The following FILIP1L variants were observed in gnomAD, a reference collection of about 807,000 sequenced individuals.
FILIP1L encodes filamin A-interacting protein 1-like.
FILIP1L carries 55 observed loss-of-function variants against 96.6 expected under a neutral mutation model. The observed-to-expected ratio is 0.57, with a 90% CI of 0.46 to 0.71. The LOEUF (loss-of-function observed/expected upper bound fraction) is 0.71. FILIP1L is among the 30% of genes least tolerant of loss of function. The probability of loss-of-function intolerance (pLI) is 0.00; values close to 1 mark genes in which losing one functional copy is unlikely to be tolerated. For synonymous variants in FILIP1L, 467 were observed against 473.9 expected (o/e 0.99, Z 0.19); for missense variants, 1,304 against 1,321.2 (o/e 0.99, Z 0.20).
chr3:100,067,458 C>T (rs1260670273), intron 1 of FILIP1L, among the ~76,000 whole-genome samples: 3 of 152,160 alleles, frequency 2.0e-5, no homozygotes, highest in African/African-American at 7.2e-5. Flanking sequence ...TATTCCCATT[C>T]CTCCATTAGT....
At chr3:99,844,567 C>T (rs1182888040) in intron 5 of FILIP1L, among the ~76,000 whole-genome samples, 4 of 152,264 alleles carry the variant, frequency 2.6e-5, no homozygotes, top group African/African-American at 7.2e-5. Context: ...GCTACTAAAA[C>T]GTTTTTATTG....
chr3:99,874,075 T>C (rs1705381337), intron 4 of FILIP1L, among the ~76,000 whole-genome samples: 1 of 152,342 alleles, frequency 6.6e-6, no homozygotes, highest in African/African-American at 2.4e-5. Context: ...AGAGGTCTTA[T>C]GTGATTGTTC....
chr3:100,083,938 T>C (rs2065968745), intron 1 of FILIP1L, among the ~76,000 whole-genome samples: 1 of 152,184 alleles, frequency 6.6e-6, no homozygotes, highest in South Asian at 2.1e-4. Flanking sequence ...GTGAGCATAA[T>C]TATCAAAATA....
intron 1 of FILIP1L, among the ~76,000 whole-genome samples, chr3:100,092,699 G>T (rs1313789240): frequency 6.8e-6 from 1 of 147,680 alleles, no homozygotes; most frequent in Non-Finnish European, 1.5e-5. Context: ...ATTATTTTAG[G>T]TTCTCCCTTT....
At chr3:99,948,543 G>T (rs1178309446) in intron 1 of FILIP1L, among the ~76,000 whole-genome samples, 1 of 147,972 alleles carries the variant, frequency 6.8e-6, no homozygotes, top group Admixed American at 6.8e-5. Context: ...GGGGAAGGGA[G>T]GGGGAGGGGG....
intron 1 of FILIP1L, among the ~76,000 whole-genome samples, chr3:99,976,419 A>G (rs1708973584): frequency 6.6e-6 from 1 of 152,228 alleles, no homozygotes; most frequent in Non-Finnish European, 1.5e-5. Context: ...AAATTCATAG[A>G]TATCATGAAC....
intron 1 of FILIP1L, among the ~76,000 whole-genome samples, chr3:100,015,962 T>C (rs1347243201): frequency 6.6e-6 from 1 of 152,198 alleles, no homozygotes; most frequent in East Asian, 1.9e-4. Context: ...AAAGACAGAT[T>C]GCCTTTTTAA....
intron 1 of FILIP1L, among the ~76,000 whole-genome samples, chr3:100,004,288 G>A (rs1355714574): frequency 6.6e-6 from 1 of 152,186 alleles, no homozygotes; most frequent in African/African-American, 2.4e-5. Flanking sequence ...AGAGTGAACT[G>A]AAACTGTCTT....
intron 1 of FILIP1L, among the ~76,000 whole-genome samples, chr3:99,961,417 A>G (rs1342507250): frequency 3.9e-5 from 6 of 152,134 alleles, no homozygotes; most frequent in Non-Finnish European, 8.8e-5. Flanking sequence ...AATGACTCTT[A>G]TGCTATATAT....
chr3:99,926,106 T>C (rs2107656481), intron 3 of FILIP1L, among the ~76,000 whole-genome samples: 1 of 152,358 alleles, frequency 6.6e-6, no homozygotes, highest in African/African-American at 2.4e-5. Context: ...TCATTGTGAA[T>C]TTAAAGCCAA....
At chr3:99,992,074 G>A (rs764098406) in intron 1 of FILIP1L, among the ~76,000 whole-genome samples, 11 of 150,616 alleles carry the variant, frequency 7.3e-5, no homozygotes, top group Non-Finnish European at 1.3e-4. Context: ...CTCCATTAAT[G>A]GACACTTAGG....
At chr3:99,836,575 C>G (rs1432334968) in intron 5 of FILIP1L, among the ~76,000 whole-genome samples, 1 of 152,138 alleles carries the variant, frequency 6.6e-6, no homozygotes, top group Admixed American at 6.5e-5. Context: ...TCTTCTCCCA[C>G]CATAGGTACT....
intron 4 of FILIP1L, among the ~76,000 whole-genome samples, chr3:99,900,295 G>C (rs1474888524): frequency 2.6e-5 from 4 of 152,152 alleles, no homozygotes; most frequent in African/African-American, 7.2e-5. Context: ...AGATGGTGAT[G>C]ATGAGGATAT....
At chr3:100,099,624 G>T (rs574726725) in intron 1 of FILIP1L, among the ~76,000 whole-genome samples, 1 of 152,210 alleles carries the variant, frequency 6.6e-6, no homozygotes, top group Admixed American at 6.5e-5. Context: ...TCTTCCTAAG[G>T]TGATAAGCAA....
chr3:99,995,701 A>G (rs907499822), intron 1 of FILIP1L, among the ~76,000 whole-genome samples: 6 of 152,230 alleles, frequency 3.9e-5, no homozygotes, highest in East Asian at 1.9e-4. Flanking sequence ...CCAAACCCCA[A>G]TCCTTGACTT....
intron 4 of FILIP1L, among the ~76,000 whole-genome samples, chr3:99,922,284 T>C (rs1266042894): frequency 1.3e-5 from 2 of 152,246 alleles, no homozygotes; most frequent in Admixed American, 1.3e-4. Flanking sequence ...AAAATAATGT[T>C]TAATATAACA....
chr3:99,933,818 C>T (rs1707569532), intron 1 of FILIP1L, among the ~76,000 whole-genome samples: 1 of 152,132 alleles, frequency 6.6e-6, no homozygotes, highest in African/African-American at 2.4e-5. Context: ...ACATAATGGG[C>T]ATGCATTAGG....
intron 4 of FILIP1L, among the ~76,000 whole-genome samples, chr3:99,875,779 G>A (rs1044082159): frequency 6.6e-6 from 1 of 152,084 alleles, no homozygotes; most frequent in Non-Finnish European, 1.5e-5. Context: ...TCTCAATATG[G>A]GCAGGATTCA....
intron 1 of FILIP1L, among the ~76,000 whole-genome samples, chr3:99,993,806 G>C (rs979298441): frequency 1.3e-5 from 2 of 152,154 alleles, no homozygotes; most frequent in Admixed American, 6.5e-5. Flanking sequence ...AACCATCCTT[G>C]CATCCCTGGG....
Sources: gnomAD v4.1 joint callset for allele counts (sites outside exome capture counted in the v4.1 genomes callset) on GRCh38, gnomAD v4.1.1 for gene constraint, MANE v1.5 for transcripts, NCBI Gene and HGNC (gene_info 2026-07-23, HGNC 2026-07-21) for gene names.